Variants in UST observed in about 807,000 individuals in gnomAD.
The protein encoded by UST is uronyl 2-sulfotransferase.
Under a neutral mutation model 45.6 loss-of-function variants are expected in UST, and 21 were observed. The observed-to-expected ratio is 0.46, with a 90% CI of 0.33 to 0.66. UST has a LOEUF of 0.66. Among genes scored for constraint, UST ranks in the 30% least tolerant of loss-of-function variants. The pLI is 0.02. For synonymous variants in UST, 215 were observed against 200.6 expected (o/e 1.07, Z -0.61); for missense variants, 463 against 512.4 (o/e 0.90, Z 0.93).
chr6:148,981,658 A>G (rs993079944), intron 5 of UST, among the ~76,000 whole-genome samples: 4 of 152,268 alleles, frequency 2.6e-5, no homozygotes, highest in Admixed American at 2.6e-4. Context: ...AAAAATTATT[A>G]GCTCAGTAAA....
In UST at chr6:148,747,683, G is replaced by C. The variant is rs777491341; in HGVS notation, c.247+6G>C. 1 of 1,592,104 alleles carries C rather than the reference G, an allele frequency of 6.3e-7. No individual in the cohort carries two copies. Among genetic ancestry groups the C allele is most frequent in the Admixed American group, 1.7e-5 (1 of 57,604 alleles). ...CGACCTGCGGCAGTACTTGGGTAAG[G>C]AAGCTGGGCAGGCGCTAGGGCGGCG... On this transcript the variant is annotated splice_donor_region_variant and intron_variant, in intron 1 of 7. Transcript: ENST00000367463.
At chr6:149,056,656 C>G (rs1025735955) in intron 7 of UST, among the ~76,000 whole-genome samples, 1 of 152,198 alleles carries the variant, frequency 6.6e-6, no homozygotes, top group Non-Finnish European at 1.5e-5. Context: ...TGATTTTTAA[C>G]AGGGAGAGAA....
At chr6:148,871,147 C>CT (rs1582866624) in intron 1 of UST, among the ~76,000 whole-genome samples, 28 of 20,188 alleles carry the variant, frequency 1.4e-3, no homozygotes, top group South Asian at 3.8e-3. Flanking sequence ...TCTCTCTCTC[C>CT]CTCTCTCCCT....
intron 1 of UST, among the ~76,000 whole-genome samples, chr6:148,751,413 G>A (rs768927112): frequency 1.6e-4 from 25 of 152,132 alleles, no homozygotes; most frequent in Non-Finnish European, 2.2e-4. Flanking sequence ...TGGGGCAACC[G>A]GAAAGCATAG....
intron 7 of UST, chr6:149,032,716 G>A (rs1398572033): frequency 6.6e-6 from 1 of 152,464 alleles, no homozygotes; most frequent in Non-Finnish European, 1.5e-5. Flanking sequence ...TCCCAACCTT[G>A]GCCTCGGGAG....
intron 1 of UST, among the ~76,000 whole-genome samples, chr6:148,753,885 G>GGTAT (rs1387212324): frequency 6.6e-6 from 1 of 151,862 alleles, no homozygotes; most frequent in Non-Finnish European, 1.5e-5. Context: ...GGTATGAAGT[G>GGTAT]GTATATTCAT....
intron 2 of UST, among the ~76,000 whole-genome samples, chr6:148,927,051 T>G (rs1323096265): frequency 1.3e-5 from 2 of 152,180 alleles, no homozygotes; most frequent in Admixed American, 1.3e-4. Context: ...AAATATTCTC[T>G]GAAGACATTA....
chr6:149,063,745 C>T (rs139047113), intron 7 of UST, among the ~76,000 whole-genome samples: 83 of 152,240 alleles, frequency 5.5e-4, no homozygotes, highest in African/African-American at 1.8e-3. Flanking sequence ...CCTCAAGAAG[C>T]CTGTACAGAG....
chr6:148,871,155 C>CCTCTCTCT (rs1159397468), intron 1 of UST, among the ~76,000 whole-genome samples: 2 of 48,554 alleles, frequency 4.1e-5, no homozygotes, highest in Non-Finnish European at 9.2e-5. Flanking sequence ...TCCCTCTCTC[C>CCTCTCTCT]CTCTCTCTCT....
intron 5 of UST, among the ~76,000 whole-genome samples, chr6:149,002,353 A>G (rs1284227810): frequency 2.0e-5 from 3 of 152,190 alleles, no homozygotes; most frequent in East Asian, 3.8e-4. Context: ...CACTAAAAGT[A>G]AATGATTAAA....
chr6:148,997,692 G>A (rs1031899420), intron 5 of UST, among the ~76,000 whole-genome samples: 2 of 152,028 alleles, frequency 1.3e-5, no homozygotes, highest in African/African-American at 4.8e-5. Context: ...GGATTTTTTT[G>A]TTTGCTTTTT....
intron 3 of UST, among the ~76,000 whole-genome samples, chr6:148,944,797 A>G (rs1780202123): frequency 6.6e-6 from 1 of 152,208 alleles, no homozygotes; most frequent in East Asian, 1.9e-4. Flanking sequence ...TGATGACATC[A>G]TTGCATTTAT....
At chr6:149,007,090 T>C (rs892637427) in intron 5 of UST, among the ~76,000 whole-genome samples, 2 of 149,788 alleles carry the variant, frequency 1.3e-5, no homozygotes, top group Non-Finnish European at 3.0e-5. Context: ...TTCCAAAAAG[T>C]GATCAAGACG....
intron 1 of UST, among the ~76,000 whole-genome samples, chr6:148,854,882 T>G (rs569313746): frequency 6.6e-6 from 1 of 152,306 alleles, no homozygotes; most frequent in South Asian, 2.1e-4. Context: ...GGGTCTGTGT[T>G]AGTCCATTTT....
intron 7 of UST, among the ~76,000 whole-genome samples, chr6:149,047,057 GT>G (rs1443081477): frequency 6.6e-6 from 1 of 152,170 alleles, no homozygotes; most frequent in Non-Finnish European, 1.5e-5. Context: ...AGTTAGAGTT[GT>G]TTTCAAATGC....
At chr6:148,954,040 A>T (rs1443260985) in intron 4 of UST, 89 bp downstream of exon 4, 69 of 1,005,774 alleles carry the variant, frequency 6.9e-5, no homozygotes, top group Non-Finnish European at 9.4e-5. Context: ...AGGCAGTGCA[A>T]TTGCCCTTGA....
Position 148,874,184 on chromosome 6 carries a change from A to G in UST, c.248-12802A>G, listed in dbSNP as rs906800937. On this transcript the variant is annotated intron_variant, in intron 1 of 7. Transcript: ENST00000367463. ...TTTGATACTCCATTTCTACCTGCAT[A>G]AGATCATATAACATTATGATGAATT... 1.1e-4 allele frequency among the ~76,000 whole-genome samples: 16 copies of G among 152,370 alleles called. 2 individuals are homozygous for G. In the South Asian group the frequency reaches 2.9e-3, roughly 28 times the overall value.
chr6:149,015,513 A>G (rs1775884791), intron 5 of UST, among the ~76,000 whole-genome samples: 1 of 152,198 alleles, frequency 6.6e-6, no homozygotes, highest in African/African-American at 2.4e-5. Flanking sequence ...AGACTCAGGA[A>G]CCAGAGGAGC....
chr6:149,068,404 G>A (rs1216811175), intron 7 of UST, among the ~76,000 whole-genome samples: 2 of 152,176 alleles, frequency 1.3e-5, no homozygotes, highest in South Asian at 2.1e-4. Flanking sequence ...TTATTGTGAG[G>A]ATTAAGTATG....
Sources: allele counts gnomAD v4.1 joint callset (sites outside exome capture counted in the v4.1 genomes callset), GRCh38; gene constraint gnomAD v4.1.1; transcripts MANE v1.5; gene names NCBI Gene and HGNC (gene_info 2026-07-23, HGNC 2026-07-21).